The following PDE4B variants were observed in gnomAD, a reference collection of about 807,000 sequenced individuals.
The protein encoded by PDE4B is 3',5'-cyclic-AMP phosphodiesterase 4B.
Under a neutral mutation model 82.2 loss-of-function variants are expected in PDE4B, and 20 were observed. The observed-to-expected ratio is 0.24, with a 90% CI of 0.17 to 0.35. The LOEUF is 0.35. Among genes scored for constraint, PDE4B ranks in the 10% least tolerant of loss-of-function variants. The pLI, the probability that PDE4B is intolerant of heterozygous loss-of-function variation, is 1.00. For missense variants in PDE4B, 655 were observed against 907.2 expected (o/e 0.72, Z 3.57); for synonymous variants, 320 against 318.9 (o/e 1.00, Z -0.04).
intron 3 of PDE4B, among the ~76,000 whole-genome samples, chr1:66,216,669 A>G (rs1040700654): frequency 2.0e-5 from 3 of 152,174 alleles, no homozygotes; most frequent in Non-Finnish European, 4.4e-5. Flanking sequence ...GTCTCAAAGC[A>G]TAGTCAGCTA....
intron 8 of PDE4B, among the ~76,000 whole-genome samples, chr1:66,336,417 C>T (rs1660520500): frequency 6.6e-6 from 1 of 152,170 alleles, no homozygotes; most frequent in Non-Finnish European, 1.5e-5. Context: ...TCAAAAGGGT[C>T]ATTCTTACCC....
intron 3 of PDE4B, among the ~76,000 whole-genome samples, chr1:66,124,977 G>T (rs1645792104): frequency 6.6e-6 from 1 of 151,420 alleles, no homozygotes; most frequent in Non-Finnish European, 1.5e-5. Context: ...TCCAGGGCTG[G>T]TTCTCACCTT....
chr1:66,341,930 T>C (rs1661015780), intron 8 of PDE4B, among the ~76,000 whole-genome samples: 1 of 152,214 alleles, frequency 6.6e-6, no homozygotes, highest in Non-Finnish European at 1.5e-5. Flanking sequence ...ACCAAGATCC[T>C]AGTGGAGTTA....
At chr1:66,062,989 A>G (rs1375747315) in intron 3 of PDE4B, 1 of 152,024 alleles carries the variant, frequency 6.6e-6, no homozygotes, top group African/African-American at 2.4e-5. Flanking sequence ...CTCTGCAGCA[A>G]TCCCAAATAC....
intron 1 of PDE4B, among the ~76,000 whole-genome samples, chr1:65,833,453 G>T (rs1646104914): frequency 6.6e-6 from 1 of 152,178 alleles, no homozygotes; most frequent in Non-Finnish European, 1.5e-5. Context: ...TAGGAAGATA[G>T]ATTTTTAGCT....
chr1:66,301,024 T>C (rs1657853097), intron 7 of PDE4B, among the ~76,000 whole-genome samples: 1 of 152,176 alleles, frequency 6.6e-6, no homozygotes, highest in South Asian at 2.1e-4. Flanking sequence ...AGAGTCAGTA[T>C]GTATGTGTGT....
intron 1 of PDE4B, among the ~76,000 whole-genome samples, chr1:65,891,721 A>G (rs1646855069): frequency 6.6e-6 from 1 of 152,096 alleles, no homozygotes; most frequent in African/African-American, 2.4e-5. Flanking sequence ...TTTAATGAAA[A>G]GCATGGCAGA....
intron 3 of PDE4B, among the ~76,000 whole-genome samples, chr1:65,997,290 A>AGAG (rs749302054): frequency 4.7e-4 from 72 of 152,190 alleles, no homozygotes; most frequent in Non-Finnish European, 9.0e-4. Flanking sequence ...GTAGGAGAAA[A>AGAG]GAGGCTTGTA....
chr1:66,284,179 T>C (rs1308394453), intron 7 of PDE4B, among the ~76,000 whole-genome samples: 1 of 152,200 alleles, frequency 6.6e-6, no homozygotes, highest in Non-Finnish European at 1.5e-5. Context: ...AGCAAGATCC[T>C]ATCCTAAGTA....
chr1:66,036,934 A>G (rs1654097774), intron 3 of PDE4B, among the ~76,000 whole-genome samples: 1 of 152,028 alleles, frequency 6.6e-6, no homozygotes, highest in Non-Finnish European at 1.5e-5. Flanking sequence ...GGAGTTTGAG[A>G]CCAGCCTGAC....
chr1:66,032,614 T>A (rs1165544164), intron 3 of PDE4B, among the ~76,000 whole-genome samples: 4 of 152,056 alleles, frequency 2.6e-5, no homozygotes, highest in Admixed American at 2.6e-4. Context: ...GTAGAGTCTC[T>A]ACAGCTGAGT....
chr1:65,887,479 GC>G (rs573785673), intron 1 of PDE4B, among the ~76,000 whole-genome samples: 147 of 119,698 alleles, frequency 1.2e-3, no homozygotes, highest in African/African-American at 4.4e-3. Context: ...GTACAGTGGT[GC>G]AATCTTGGCT....
rs1040307075 is a variant in PDE4B, at chr1:66,122,820, C to G, written c.282-124640C>G. Among the ~76,000 whole-genome samples the G allele has an allele frequency of 2.0e-5, 3 of 151,206 alleles. 1 individual carries two copies. The Admixed American group carries it at 2.0e-4, about 10-fold the overall frequency. On this transcript the variant is annotated intron_variant, in intron 3 of 16. Coordinates refer to ENST00000341517, the MANE Select transcript of PDE4B (RefSeq NM_002600.4). ...TCCCGGATTCAAGTGATTCTCTTGC[C>G]TCAGCCTCCCAAGTAGCTGGGATTA... is the stretch of plus-strand genomic sequence containing the variant.
intron 4 of PDE4B, among the ~76,000 whole-genome samples, chr1:66,252,678 G>A (rs1237690899): frequency 2.6e-5 from 4 of 152,330 alleles, no homozygotes; most frequent in Admixed American, 2.0e-4. Context: ...TGGGCAGGGC[G>A]TGGTGGCCTG....
intron 16 of PDE4B, 42 bp downstream of exon 16, chr1:66,369,011 G>C: frequency 2.8e-6 from 4 of 1,448,234 alleles, no homozygotes; most frequent in Non-Finnish European, 3.8e-6. Context: ...GAGCTCTGCT[G>C]ATTATAGAGC....
intron 3 of PDE4B, among the ~76,000 whole-genome samples, chr1:66,218,563 C>T (rs1288083017): frequency 2.0e-5 from 3 of 152,070 alleles, no homozygotes; most frequent in Non-Finnish European, 2.9e-5. Context: ...AAAAGTTATA[C>T]TCCTCCTAGA....
intron 7 of PDE4B, among the ~76,000 whole-genome samples, chr1:66,311,101 GGA>G (rs1392194796): frequency 7.2e-5 from 11 of 152,136 alleles, no homozygotes; most frequent in Non-Finnish European, 7.3e-5. Context: ...AAGATTTTTA[GGA>G]GAGGGAGAAA....
chr1:66,240,097 G>C (rs554947642), intron 3 of PDE4B, among the ~76,000 whole-genome samples: 10 of 152,316 alleles, frequency 6.6e-5, no homozygotes, highest in Admixed American at 5.9e-4. Flanking sequence ...CACATCCCCA[G>C]TTCTTCTTTA....
At chr1:65,860,674 G>A (rs1285314018) in intron 1 of PDE4B, among the ~76,000 whole-genome samples, 1 of 152,142 alleles carries the variant, frequency 6.6e-6, no homozygotes, top group African/African-American at 2.4e-5. Flanking sequence ...CAATGTAAAA[G>A]CTTTCCTATT....
Sources: gnomAD v4.1 joint callset for allele counts (sites outside exome capture counted in the v4.1 genomes callset) on GRCh38, gnomAD v4.1.1 for gene constraint, MANE v1.5 for transcripts, NCBI Gene and HGNC (gene_info 2026-07-23, HGNC 2026-07-21) for gene names.